TASP1: variants seen among roughly 807,000 people sequenced by gnomAD.
TASP1 encodes the protein threonine aspartase 1.
In TASP1, 16 loss-of-function variants were observed where a neutral mutation model predicts 56.6. That is an observed-to-expected ratio of 0.28 (90% confidence interval 0.19 to 0.43). The LOEUF (loss-of-function observed/expected upper bound fraction) is 0.43. Among genes scored for constraint, TASP1 ranks in the 20% least tolerant of loss-of-function variants. The pLI is 1.00. For missense variants in TASP1, 393 were observed against 511.6 expected (o/e 0.77, Z 2.24); for synonymous variants, 179 against 184.2 (o/e 0.97, Z 0.23).
chr20:13,254,165 G>A, the TASP1 span, among the ~76,000 whole-genome samples: 2 of 151,874 alleles, frequency 1.3e-5, no homozygotes, highest in African/African-American at 4.8e-5. Context: ...CCCAGGAGGG[G>A]GAGGTTGCAG....
At chr20:13,201,347 G>A in the TASP1 span, among the ~76,000 whole-genome samples, 2 of 151,872 alleles carry the variant, frequency 1.3e-5, no homozygotes, top group Non-Finnish European at 2.9e-5. Context: ...TTTCAGATGC[G>A]CTTTGGTGGT....
chr20:13,105,801 C>A, the TASP1 span, among the ~76,000 whole-genome samples: 1 of 152,100 alleles, frequency 6.6e-6, no homozygotes, highest in Non-Finnish European at 1.5e-5. Flanking sequence ...TATTCACCAT[C>A]TCTTTATTCC....
At position 13,559,014 on chromosome 20, in the gene TASP1, A is replaced by G. The variant is rs757837837; in HGVS notation, c.669T>C (p.Ser223=). ...ATTTCAAACACCACCTGACCTTCTC[A>G]CTTGATTGTCTTCTTTTCTTTAGTT... ...FMQLKKRRQS[S]EKENDSGTLD... The change falls in exon 8 of 14, where the codon AGT becomes AGC. Residue 223 remains serine (S), a synonymous_variant. Transcript: ENST00000337743. The G allele has an allele frequency of 2.5e-6, 4 of 1,581,428 alleles. No homozygotes were observed. Among genetic ancestry groups the G allele is most frequent in the Admixed American group, 1.8e-5 (1 of 56,398 alleles).
Position 13,623,527 on chromosome 20 carries a change from G to A in TASP1, c.214-13C>T, listed in dbSNP as rs2147532706. ...GCTTTTCAATTGCCTATGAAACCAA[G>A]GGGAGAGATTATTCATTGCAAAATC... is the stretch of plus-strand genomic sequence containing the variant. On this transcript the variant is annotated splice_polypyrimidine_tract_variant and intron_variant, in intron 3 of 13. Transcript: ENST00000337743. 5 of 1,560,646 alleles carry A rather than the reference G, an allele frequency of 3.2e-6. No individual in the cohort carries two copies. The highest frequency in any genetic ancestry group is 4.4e-6 in the Non-Finnish European group (5 of 1,134,700).
At chr20:13,362,590 C>G in the TASP1 span, among the ~76,000 whole-genome samples, 5 of 151,434 alleles carry the variant, frequency 3.3e-5, no homozygotes, top group Non-Finnish European at 5.9e-5. Flanking sequence ...CCTTTGCTGA[C>G]TCTCTTTTCG....
intron 4 of TASP1, among the ~76,000 whole-genome samples, chr20:13,610,402 G>A (rs1039475205): frequency 6.6e-6 from 1 of 152,164 alleles, no homozygotes; most frequent in Admixed American, 6.5e-5. Context: ...ACTGAAGGGG[G>A]CACAAGGGGC....
chr20:13,550,147 TACAC>T lies in TASP1; in HGVS notation c.675+8857_675+8860del, dbSNP rs149572327. 7.8e-3 allele frequency among the ~76,000 whole-genome samples: 1,054 copies of T among 135,378 alleles called. 9 individuals carry two copies. Among genetic ancestry groups the T allele is most frequent in the African/African-American group, 0.017 (628 of 36,306 alleles). 88.8% of individuals were successfully genotyped at this position (135,378 alleles called of 152,430 possible). A position where few individuals can be genotyped will look rare whatever the true frequency, so the allele number is the denominator to read the frequency against. ...TTCCTAAATATGGAATATATACACA[TACAC>T]ACACACACACACACACACACACACA... On this transcript the variant is annotated intron_variant, in intron 8 of 13. Coordinates refer to ENST00000337743, the MANE Select transcript of TASP1 (RefSeq NM_017714.3).
intron 4 of TASP1, among the ~76,000 whole-genome samples, chr20:13,604,373 T>C (rs1313122770): frequency 6.6e-6 from 1 of 152,150 alleles, no homozygotes; most frequent in African/African-American, 2.4e-5. Flanking sequence ...CTGCCACCTC[T>C]TCCCTCTCTT....
At chr20:13,587,204 C>T (rs1179377031) in intron 5 of TASP1, 46 bp downstream of exon 5, 2 of 1,565,922 alleles carry the variant, frequency 1.3e-6, no homozygotes, top group Admixed American at 4.0e-5. Context: ...ATGAAATGGT[C>T]ACGTGCATGA....
the TASP1 span, chr20:13,292,460 G>C: frequency 5.7e-6 from 9 of 1,586,510 alleles, no homozygotes; most frequent in South Asian, 3.5e-5. Context: ...ACTGTTTGAA[G>C]TTGGTAAGAT....
chr20:13,621,331 T>C (rs1451832533), intron 4 of TASP1, among the ~76,000 whole-genome samples: 1 of 152,060 alleles, frequency 6.6e-6, no homozygotes, highest in African/African-American at 2.4e-5. Flanking sequence ...CACGGGAGGC[T>C]GAGGCACAAG....
At chr20:13,484,691 G>C (rs967545562) in intron 10 of TASP1, among the ~76,000 whole-genome samples, 1 of 144,080 alleles carries the variant, frequency 6.9e-6, no homozygotes, top group Non-Finnish European at 1.5e-5. Flanking sequence ...AGCTGAGATC[G>C]AGCCATTGCA....
At position 13,392,922 on chromosome 20, in the gene TASP1, C is replaced by T. The variant is rs538665791; in HGVS notation, c.1171-2470G>A. 98 of 633,554 alleles carry T rather than the reference C, an allele frequency of 1.5e-4. 2 individuals are homozygous for T. Among genetic ancestry groups the T allele is most frequent in the South Asian group, 1.3e-3 (96 of 72,368 alleles). The allele number at this position is 633,554 out of a possible 1,614,324, so 39.2% of individuals were successfully genotyped here. On this transcript the variant is annotated intron_variant, in intron 13 of 13. Transcript: ENST00000337743. Reference sequence around the variant, plus strand: ...GCATCTTTCAGGAGTGAGATCCCACCAAAATCAAATGGGGCCATGCTGGTG... The same window carrying T: ...GCATCTTTCAGGAGTGAGATCCCACTAAAATCAAATGGGGCCATGCTGGTG...
At chr20:13,636,385 C>T (rs961656301) in intron 1 of TASP1, among the ~76,000 whole-genome samples, 1 of 148,386 alleles carries the variant, frequency 6.7e-6, no homozygotes, top group Non-Finnish European at 1.5e-5. Flanking sequence ...GTCTTGAACT[C>T]CTGACCTCAA....
chr20:13,204,593 G>T, the TASP1 span, among the ~76,000 whole-genome samples: 2 of 151,418 alleles, frequency 1.3e-5, no homozygotes, highest in African/African-American at 4.9e-5. Context: ...AGGCTGGAGT[G>T]CAGTGGCGCG....
chr20:13,280,359 C>T, the TASP1 span, among the ~76,000 whole-genome samples: 1 of 135,130 alleles, frequency 7.4e-6, no homozygotes, highest in East Asian at 2.1e-4. Context: ...TGGGAACCCA[C>T]ATGAACGTGT....
rs2047341604 is a variant in TASP1, at chr20:13,587,260, T to G, written c.393A>C (p.Gly131=). 1.2e-6 allele frequency: 2 copies of G among 1,612,018 alleles called. No homozygotes were observed. The highest frequency in any genetic ancestry group is 1.3e-5 in the African/African-American group (1 of 74,754). The change falls in exon 5 of 14, where the codon GGA becomes GGC. Residue 131 remains glycine (G), a synonymous_variant. Coordinates refer to ENST00000337743, the MANE Select transcript of TASP1 (RefSeq NM_017714.3). ...ATAATGCCCACATACCACTCAGTGC[T>G]CCAACTGCTCCAAAATTTAAGGATT... ...DGKSLNFGAV[G]ALSGIKNPVS...
the TASP1 span, among the ~76,000 whole-genome samples, chr20:13,127,353 G>C: frequency 9.2e-5 from 14 of 152,128 alleles, no homozygotes; most frequent in Admixed American, 6.5e-5. Flanking sequence ...ACACCAGAGG[G>C]GATACGGTGC....
chr20:13,623,759 T>C (rs1458292127), intron 3 of TASP1, among the ~76,000 whole-genome samples: 1 of 152,232 alleles, frequency 6.6e-6, no homozygotes, highest in Non-Finnish European at 1.5e-5. Flanking sequence ...AAATGAAAAG[T>C]ACAAGGAATT....
Sources: gnomAD v4.1 joint callset for allele counts (sites outside exome capture counted in the v4.1 genomes callset) on GRCh38, gnomAD v4.1.1 for gene constraint, MANE v1.5 for transcripts, NCBI Gene and HGNC (gene_info 2026-07-23, HGNC 2026-07-21) for gene names.